Variants in FAM110B observed in about 807,000 individuals in gnomAD.
FAM110B encodes the protein family with sequence similarity 110 member B.
In FAM110B, 6 loss-of-function variants were observed where a neutral mutation model predicts 20.4. The observed-to-expected ratio is 0.29, with a 90% confidence interval of 0.16 to 0.58. The LOEUF (loss-of-function observed/expected upper bound fraction) is 0.58. Among genes scored for constraint, FAM110B ranks in the 20% least tolerant of loss-of-function variants. The pLI is 0.90. For missense variants in FAM110B, 434 were observed against 498.2 expected (o/e 0.87, Z 1.23); for synonymous variants, 226 against 214.1 (o/e 1.06, Z -0.49).
At chr8:58,088,963 A>G (rs1243470430) in intron 3 of FAM110B, among the ~76,000 whole-genome samples, 2 of 152,236 alleles carry the variant, frequency 1.3e-5, no homozygotes, top group African/African-American at 4.8e-5. Context: ...GACTAGTGCC[A>G]TGAATATTCC....
chr8:58,056,711 G>A (rs1020661853), intron 2 of FAM110B, among the ~76,000 whole-genome samples: 1 of 152,158 alleles, frequency 6.6e-6, no homozygotes, highest in Non-Finnish European at 1.5e-5. Context: ...TTTCTGGTAG[G>A]TTAAATTGTC....
intron 1 of FAM110B, among the ~76,000 whole-genome samples, chr8:58,029,259 A>C (rs73681747): frequency 0.01 from 1,529 of 152,298 alleles, 23 homozygotes; most frequent in African/African-American, 0.034. Flanking sequence ...GAGACTCTAT[A>C]AATCGACTTG....
At position 58,108,520 on chromosome 8, in the gene FAM110B, C is replaced by T. The variant is rs547270831; in HGVS notation, c.-325+32897C>T. 2.6e-5 allele frequency among the ~76,000 whole-genome samples: 4 copies of T among 152,294 alleles called. No homozygotes were observed. The South Asian group carries it at 6.2e-4, about 24-fold the overall frequency. On this transcript the variant is annotated intron_variant, in intron 3 of 3. Coordinates refer to ENST00000519262, the MANE Select transcript of FAM110B (RefSeq NM_001377989.1). Reference sequence around the variant, plus strand: ...CCCATGTGAGGCTTCCTGGCATGTTCGGATAAATGGATGGCTTGGATCGAG... The same window carrying T: ...CCCATGTGAGGCTTCCTGGCATGTTTGGATAAATGGATGGCTTGGATCGAG...
At chr8:58,118,445 G>T (rs192559028) in intron 3 of FAM110B, among the ~76,000 whole-genome samples, 1 of 152,186 alleles carries the variant, frequency 6.6e-6, no homozygotes, top group South Asian at 2.1e-4. Flanking sequence ...GGGTAGGGGA[G>T]ACCAAATTTC....
chr8:58,071,006 C>T lies in FAM110B; in HGVS notation c.-413-4529C>T, dbSNP rs549387124. On this transcript the variant is annotated intron_variant, in intron 2 of 3. Transcript: ENST00000519262. ...TAGCTGTGCTTGAAAGAGAAATTTT[C>T]GTCTCATGGCTTTGTTTAGCAGGGA... is the stretch of plus-strand genomic sequence containing the variant. 1.1e-4 allele frequency among the ~76,000 whole-genome samples: 17 copies of T among 152,234 alleles called. No individual in the cohort carries two copies. The East Asian group carries it at 3.3e-3, about 29-fold the overall frequency.
intron 2 of FAM110B, chr8:58,032,695 G>A (rs952669641): frequency 6.6e-6 from 1 of 152,172 alleles, no homozygotes; most frequent in Non-Finnish European, 1.5e-5. Flanking sequence ...ATGGTGTTTT[G>A]TAGTCACTTT....
rs540504829 is a variant in FAM110B at position 58,144,715 on chromosome 8, A to G, written c.-324-1192A>G. Among the ~76,000 whole-genome samples the G allele has an allele frequency of 3.4e-4, 52 of 152,374 alleles. 1 individual carries two copies. Among genetic ancestry groups the G allele is most frequent in the African/African-American group, 1.2e-3 (51 of 41,592 alleles). Reference sequence around the variant, plus strand: ...GGTTACTCTCTTAGCATTCCTAATTATAACCAAAGATGCTGTTAAGGTCAT... The same window carrying G: ...GGTTACTCTCTTAGCATTCCTAATTGTAACCAAAGATGCTGTTAAGGTCAT... On this transcript the variant is annotated intron_variant, in intron 3 of 3. Transcript: ENST00000519262.
At chr8:58,018,803 G>T (rs945946894) in intron 1 of FAM110B, among the ~76,000 whole-genome samples, 3 of 141,456 alleles carry the variant, frequency 2.1e-5, no homozygotes, top group African/African-American at 8.1e-5. Context: ...TTGCTCTAGG[G>T]ATTACAATAG....
chr8:58,021,331 A>T (rs11786365), intron 1 of FAM110B, among the ~76,000 whole-genome samples: 152,262 of 152,270 alleles, frequency 1, 76,127 homozygotes, highest in Middle Eastern at 1. Context: ...GCCAACCAAA[A>T]AGGATATCTG....
chr8:58,040,937 T>TC (rs1805202769), intron 2 of FAM110B, among the ~76,000 whole-genome samples: 2 of 93,364 alleles, frequency 2.1e-5, no homozygotes, highest in Non-Finnish European at 1.9e-5. Context: ...GGGAAAATCT[T>TC]TTTTTTTTTT....
chr8:58,138,465 G>C (rs2150640550), intron 3 of FAM110B, among the ~76,000 whole-genome samples: 1 of 152,308 alleles, frequency 6.6e-6, no homozygotes, highest in Admixed American at 6.5e-5. Flanking sequence ...AGACTTCTCA[G>C]ACTGGAGGTA....
At chr8:58,120,769 G>A (rs575557271) in intron 3 of FAM110B, among the ~76,000 whole-genome samples, 1 of 152,192 alleles carries the variant, frequency 6.6e-6, no homozygotes, top group African/African-American at 2.4e-5. Context: ...AAATTCCCAA[G>A]GTGGAGAAAC....
At chr8:58,034,347 C>G (rs1413111512) in intron 2 of FAM110B, among the ~76,000 whole-genome samples, 1 of 152,204 alleles carries the variant, frequency 6.6e-6, no homozygotes, top group Non-Finnish European at 1.5e-5. Context: ...AGTGTCCCAG[C>G]TGGATTTATC....
At chr8:58,120,542 C>T (rs1807333801) in intron 3 of FAM110B, among the ~76,000 whole-genome samples, 1 of 152,224 alleles carries the variant, frequency 6.6e-6, no homozygotes, top group Admixed American at 6.5e-5. Context: ...GGTATTTCAA[C>T]AGGTGAACAT....
At chr8:58,046,680 A>G (rs537973350) in intron 2 of FAM110B, among the ~76,000 whole-genome samples, 2 of 152,336 alleles carry the variant, frequency 1.3e-5, no homozygotes, top group East Asian at 1.9e-4. Context: ...TATCCCTCTT[A>G]CCATAGGCAA....
rs1260713525 is a variant in FAM110B, at chr8:58,147,270, G to C, written c.1040G>C (p.Arg347Thr). 1 of 1,614,088 alleles carries C rather than the reference G, an allele frequency of 6.2e-7. No individual in the cohort carries two copies. Among genetic ancestry groups the C allele is most frequent in the Non-Finnish European group, 8.5e-7 (1 of 1,180,024 alleles). The change falls in exon 4 of 4, where the codon AGA becomes ACA. Residue 347 changes from arginine (R) to threonine (T), a missense_variant. Arg to Thr is a moderately conservative substitution (Grantham distance 71). Coordinates refer to ENST00000519262, the MANE Select transcript of FAM110B (RefSeq NM_001377989.1). The stretch of plus-strand genomic sequence containing the variant: ...CCGTATGGCATTTCTGCCATCGAAA[G>C]AAATGCTAGAATCATCAAGTGGTTA... ...RVPYGISAIE[R>T]NARIIKWLYS...
chr8:58,026,827 C>T (rs534233284), intron 1 of FAM110B, among the ~76,000 whole-genome samples: 1 of 152,300 alleles, frequency 6.6e-6, no homozygotes, highest in East Asian at 1.9e-4. Context: ...TACATATGGT[C>T]ATGCTTCTAC....
chr8:58,087,564 T>C (rs1225714733), intron 3 of FAM110B, among the ~76,000 whole-genome samples: 1 of 152,160 alleles, frequency 6.6e-6, no homozygotes, highest in Non-Finnish European at 1.5e-5. Context: ...TCATTCGCCA[T>C]CACAACTCCA....
chr8:58,042,376 AG>A (rs1187451526), intron 2 of FAM110B, among the ~76,000 whole-genome samples: 1 of 152,266 alleles, frequency 6.6e-6, no homozygotes, highest in Non-Finnish European at 1.5e-5. Context: ...CATCATGCAG[AG>A]ATGAAATTAG....
Sources: allele counts gnomAD v4.1 joint callset (sites outside exome capture counted in the v4.1 genomes callset), GRCh38; gene constraint gnomAD v4.1.1; transcripts MANE v1.5; gene names NCBI Gene and HGNC (gene_info 2026-07-23, HGNC 2026-07-21).